Variants in SCAI observed in about 807,000 individuals in gnomAD.
The protein encoded by SCAI is protein SCAI.
SCAI carries 24 observed loss-of-function variants against 92.2 expected under a neutral mutation model. That is an observed-to-expected ratio of 0.26 (90% confidence interval 0.19 to 0.37). The LOEUF (loss-of-function observed/expected upper bound fraction) is 0.37. Ranked by LOEUF, SCAI falls within the 10% of genes least tolerant of loss-of-function variation. SCAI has a pLI of 1.00. For missense variants in SCAI, 450 were observed against 736.2 expected (o/e 0.61, Z 4.50); for synonymous variants, 261 against 258.6 (o/e 1.01, Z -0.09).
intron 6 of SCAI, among the ~76,000 whole-genome samples, chr9:125,021,479 ACTT>A (rs1189368449): frequency 6.6e-6 from 1 of 152,080 alleles, no homozygotes; most frequent in Non-Finnish European, 1.5e-5. Flanking sequence ...TAGTTATACT[ACTT>A]CTTTGTTATT....
chr9:125,038,143 G>C (rs888370807), intron 3 of SCAI, among the ~76,000 whole-genome samples: 7 of 152,256 alleles, frequency 4.6e-5, no homozygotes, highest in African/African-American at 1.4e-4. Context: ...TGTAGTGCTA[G>C]CTACTCGGGG....
At chr9:125,108,565 C>T (rs575633794) in intron 2 of SCAI, among the ~76,000 whole-genome samples, 11 of 142,022 alleles carry the variant, frequency 7.7e-5, no homozygotes, top group African/African-American at 2.9e-4. Flanking sequence ...CCAGCCGCCC[C>T]GTCTGAGAAG....
chr9:125,045,563 T>C (rs1173016238), intron 3 of SCAI, among the ~76,000 whole-genome samples: 1 of 152,218 alleles, frequency 6.6e-6, no homozygotes, highest in African/African-American at 2.4e-5. Flanking sequence ...CTTAAATTCC[T>C]GAGCTCAGGC....
At chr9:125,077,741 T>A (rs1463456336) in intron 2 of SCAI, among the ~76,000 whole-genome samples, 1 of 150,222 alleles carries the variant, frequency 6.7e-6, no homozygotes, top group Non-Finnish European at 1.5e-5. Context: ...ATTTTTGAGA[T>A]GGAGTCTTGC....
chr9:124,981,506 C>T (rs151080186), intron 14 of SCAI, among the ~76,000 whole-genome samples: 8 of 152,202 alleles, frequency 5.3e-5, no homozygotes, highest in African/African-American at 1.9e-4. Flanking sequence ...CTAAGTACAA[C>T]GTTGGCTATT....
rs201987641 is a variant in SCAI at position 125,019,194 on chromosome 9, A to T, written c.621T>A (p.Asp207Glu). The T allele has an allele frequency of 3.9e-5, 61 of 1,560,180 alleles. No individual in the cohort carries two copies. The highest frequency in any genetic ancestry group is 5.1e-5 in the Non-Finnish European group (58 of 1,146,392). Residue 207 changes from aspartate to glutamate, a missense_variant, in exon 8 of 18, where the codon GAT (aspartate) becomes GAA (glutamate). Coordinates refer to ENST00000336505, the MANE Select transcript of SCAI (RefSeq NM_001144877.3). ...ATCGGTGAGTATAATCTTCAATTTC[A>T]TCTGACAATTCCTGATTTTAAAAAC... ...VVKDLVKELS[D>E]EIEDYTHRFN...
intron 2 of SCAI, among the ~76,000 whole-genome samples, chr9:125,128,197 G>A (rs930599291): frequency 5.3e-5 from 8 of 151,834 alleles, no homozygotes; most frequent in Non-Finnish European, 7.4e-5. Context: ...GTGGCACATG[G>A]CACCAGCTAC....
chr9:125,077,578 T>C (rs536870289), intron 2 of SCAI, among the ~76,000 whole-genome samples: 15 of 152,312 alleles, frequency 9.8e-5, no homozygotes, highest in African/African-American at 2.9e-4. Context: ...GTATGAAGTA[T>C]TGTACTTCTC....
rs765777978 is a variant in SCAI at position 125,001,984 on chromosome 9, T to C, written c.1125A>G (p.Thr375=). The change falls in exon 12 of 18, where the codon ACA becomes ACG. Residue 375 remains threonine, a synonymous_variant. Coordinates refer to ENST00000336505, the MANE Select transcript of SCAI (RefSeq NM_001144877.3). ...TTGTACCTTCACTATCAGAACGACC[T>C]GTGGGGAAAACGCCAGTGGCCGACA... ...IYLSATGVFP[T]GRSDSEGPYD... The C allele has an allele frequency of 1.2e-6, 2 of 1,613,148 alleles. No homozygotes were observed. Among genetic ancestry groups the C allele is most frequent in the Admixed American group, 1.7e-5 (1 of 60,000 alleles).
chr9:125,106,142 T>A (rs1201946306), intron 2 of SCAI, among the ~76,000 whole-genome samples: 7 of 107,418 alleles, frequency 6.5e-5, no homozygotes, highest in East Asian at 3.2e-4. Context: ...TATATATATA[T>A]ATATATATAT....
intron 2 of SCAI, among the ~76,000 whole-genome samples, chr9:125,079,825 T>C (rs1432737059): frequency 2.6e-5 from 4 of 152,128 alleles, no homozygotes; most frequent in African/African-American, 9.7e-5. Context: ...AAGACAGTTA[T>C]TGACCCTCAG....
chr9:125,090,685 A>G (rs1407997699), intron 2 of SCAI, among the ~76,000 whole-genome samples: 1 of 152,152 alleles, frequency 6.6e-6, no homozygotes, highest in East Asian at 1.9e-4. Context: ...CATTCTTGAC[A>G]TAGCAGCGAC....
At position 124,994,927 on chromosome 9, in the gene SCAI, A is replaced by T. The variant is rs1832207200; in HGVS notation, c.1326+7T>A. On this transcript the variant is annotated splice_region_variant and intron_variant, in intron 14 of 17. Coordinates refer to ENST00000336505, the MANE Select transcript of SCAI (RefSeq NM_001144877.3). ...TCTACCTGTGCAATAGCTCTCATGGAACTCACCTTATACGCAACACTATTA... is the reference window on the plus strand; with the variant it reads ...TCTACCTGTGCAATAGCTCTCATGGTACTCACCTTATACGCAACACTATTA... 7 of 1,606,162 alleles carry T rather than the reference A, an allele frequency of 4.4e-6. No individual in the cohort carries two copies. Among genetic ancestry groups the T allele is most frequent in the Non-Finnish European group, 6.0e-6 (7 of 1,173,916 alleles).
chr9:125,039,634 T>C lies in SCAI; in HGVS notation c.231-9895A>G, dbSNP rs571509854. Among the ~76,000 whole-genome samples, 7 of 152,286 alleles carry C rather than the reference T, an allele frequency of 4.6e-5. No homozygotes were observed. In the East Asian group the frequency reaches 9.6e-4, roughly 21 times the overall value. On this transcript the variant is annotated intron_variant, in intron 3 of 17. Transcript: ENST00000336505. Reference sequence around the variant, plus strand: ...AGTTGGACAGTTCTGCCAGTCTCAGTCAGATCTCACTCAGGCAACTCAGAC... The same window carrying C: ...AGTTGGACAGTTCTGCCAGTCTCAGCCAGATCTCACTCAGGCAACTCAGAC...
chr9:125,072,306 GAT>G (rs886738708), intron 2 of SCAI, among the ~76,000 whole-genome samples: 6 of 152,158 alleles, frequency 3.9e-5, no homozygotes, highest in Admixed American at 3.3e-4. Context: ...ACAGGCGTAA[GAT>G]AGTAGAGATT....
chr9:125,066,272 T>C (rs1833866306), intron 2 of SCAI, among the ~76,000 whole-genome samples: 3 of 152,082 alleles, frequency 2.0e-5, no homozygotes, highest in Admixed American at 6.6e-5. Flanking sequence ...TTTAAATCAA[T>C]TTAGTGTAGC....
chr9:125,057,997 GCTGAGGCAGGAGAGTCGA>G (rs971151195), intron 2 of SCAI, among the ~76,000 whole-genome samples: 3 of 152,068 alleles, frequency 2.0e-5, no homozygotes, highest in African/African-American at 7.2e-5. Context: ...TACTCAGGAG[GCTGAGGCAGGAGAGTCGA>G]CTGAGGCCAG....
At chr9:125,036,684 A>G (rs1436535965) in intron 3 of SCAI, among the ~76,000 whole-genome samples, 1 of 152,254 alleles carries the variant, frequency 6.6e-6, no homozygotes, top group East Asian at 1.9e-4. Flanking sequence ...CACAAAAGGT[A>G]TGTATAGAGT....
At position 125,092,131 on chromosome 9, in the gene SCAI, TAAAAAAAAAAAAAAAAAAAAAAAAAA is replaced by T. The variant is rs71374225; in HGVS notation, c.99-36150_99-36125del. Among the ~76,000 whole-genome samples, 19 of 61,138 alleles carry T rather than the reference TAAAAAAAAAAAAAAAAAAAAAAAAAA, an allele frequency of 3.1e-4. No homozygotes were observed. In the South Asian group the frequency reaches 6.2e-3, roughly 20 times the overall value. The allele number at this position is 61,138 out of a possible 152,430, so 40.1% of individuals were successfully genotyped here. The stretch of plus-strand genomic sequence containing the variant: ...GGCGACAGAGCAAGACTCCGTCTCT[TAAAAAAAAAAAAAAAAAAAAAAAAAA>T]AAAAAAAAAAATCAGGCTTGGCTGC... On this transcript the variant is annotated intron_variant, in intron 2 of 17. Coordinates refer to ENST00000336505, the MANE Select transcript of SCAI (RefSeq NM_001144877.3).
Sources: gnomAD v4.1 joint callset for allele counts (sites outside exome capture counted in the v4.1 genomes callset) on GRCh38, gnomAD v4.1.1 for gene constraint, MANE v1.5 for transcripts, NCBI Gene and HGNC (gene_info 2026-07-23, HGNC 2026-07-21) for gene names.